UBE2QL1: variants seen among roughly 807,000 people sequenced by gnomAD.
UBE2QL1 encodes the protein ubiquitin conjugating enzyme E2 QL1.
A neutral mutation model predicts 12.6 loss-of-function variants in UBE2QL1; 5 were observed. That is an observed-to-expected ratio of 0.40 (90% CI 0.21 to 0.83). The LOEUF (loss-of-function observed/expected upper bound fraction) is 0.83, where lower values mean the gene tolerates loss of function less well. UBE2QL1 is among the 40% of genes least tolerant of loss of function. The probability of loss-of-function intolerance (pLI) is 0.37; values close to 1 mark genes in which losing one functional copy is unlikely to be tolerated. For missense variants in UBE2QL1, 99 were observed against 222.6 expected, an observed-to-expected ratio of 0.44 and a Z score of 3.53; for synonymous variants, 96 against 94.5, an observed-to-expected ratio of 1.02 and a Z score of -0.10.
At position 6,457,528 on chromosome 5, in the gene UBE2QL1, C is replaced by G. The variant is rs536267797; in HGVS notation, c.354+8281C>G. Among the ~76,000 whole-genome samples, 9 of 151,746 alleles carry G rather than the reference C, an allele frequency of 5.9e-5. No homozygotes were observed. The East Asian group carries it at 1.8e-3, about 30-fold the overall frequency. On this transcript the variant is annotated intron_variant, in intron 1 of 1. Transcript: ENST00000399816. ...CAAGATCTGTTTCCCTGAGCAGACT[C>G]CCCATCCTCTTCATTTTGCCCCTTC...
chr5:6,459,677 A>G (rs890439254), intron 1 of UBE2QL1, among the ~76,000 whole-genome samples: 2 of 152,260 alleles, frequency 1.3e-5, no homozygotes, highest in Non-Finnish European at 2.9e-5. Flanking sequence ...TTATTAACAC[A>G]TTAAATATTA....
At chr5:6,455,402 G>A (rs932714560) in intron 1 of UBE2QL1, among the ~76,000 whole-genome samples, 3 of 152,208 alleles carry the variant, frequency 2.0e-5, no homozygotes, top group Non-Finnish European at 4.4e-5. Flanking sequence ...ACAGACACTT[G>A]TGGCAGGGAT....
At chr5:6,483,289 A>T (rs1734400393) in intron 1 of UBE2QL1, among the ~76,000 whole-genome samples, 1 of 152,130 alleles carries the variant, frequency 6.6e-6, no homozygotes, top group Non-Finnish European at 1.5e-5. Context: ...TACAAAAAAA[A>T]TTAACAGGGC....
At chr5:6,461,336 C>T (rs2126334522) in intron 1 of UBE2QL1, among the ~76,000 whole-genome samples, 1 of 152,140 alleles carries the variant, frequency 6.6e-6, no homozygotes, top group Middle Eastern at 3.4e-3. Context: ...TAGGGTTCTC[C>T]CCCAATCTGA....
chr5:6,489,637 C>A (rs1734528808), intron 1 of UBE2QL1, among the ~76,000 whole-genome samples: 1 of 152,158 alleles, frequency 6.6e-6, no homozygotes. Context: ...CGAATACAAG[C>A]ATATGAAATG....
At chr5:6,452,267 T>C (rs1472503669) in intron 1 of UBE2QL1, among the ~76,000 whole-genome samples, 2 of 152,164 alleles carry the variant, frequency 1.3e-5, no homozygotes, top group Non-Finnish European at 2.9e-5. Context: ...TTCGTGAGGC[T>C]TTTAAGAGAC....
chr5:6,479,736 G>A lies in UBE2QL1; in HGVS notation c.355-11482G>A, dbSNP rs1734320895. 6.6e-6 allele frequency among the ~76,000 whole-genome samples: 1 copy of A among 152,180 alleles called. No homozygotes were observed. Among genetic ancestry groups the A allele is most frequent in the South Asian group, 2.1e-4 (1 of 4,820 alleles). ...GCATCCTGGGTGCGGCCCAAGAAAA[G>A]CAGCTTCCTTTTGCATTCTGGTCCT... On this transcript the variant is annotated intron_variant, in intron 1 of 1. Transcript: ENST00000399816. This position sits in a 1 kb window ranked among gnomAD's most constrained non-coding sequence, Gnocchi z 4.2.
At position 6,493,345 on chromosome 5, in the gene UBE2QL1, A is replaced by G. The variant is rs1194332120; in HGVS notation, c.*1996A>G. The G allele has an allele frequency of 6.6e-6, 1 of 152,252 alleles. No homozygotes were observed. The highest frequency in any genetic ancestry group is 1.5e-5 in the Non-Finnish European group (1 of 68,044). 9.4% of individuals were successfully genotyped at this position (152,252 alleles called of 1,614,324 possible). ...AAAGCACCTGAGTTTATTCCTTTCT[A>G]AATATTTTCCTCTTCTAATGAAAAC... On this transcript the variant is annotated 3_prime_UTR_variant, in exon 2 of 2. Transcript: ENST00000399816.
At chr5:6,474,184 C>T (rs1009404598) in intron 1 of UBE2QL1, among the ~76,000 whole-genome samples, 1 of 152,234 alleles carries the variant, frequency 6.6e-6, no homozygotes, top group Non-Finnish European at 1.5e-5. Context: ...GTTGCCTGTG[C>T]ACGTGGTGTG....
chr5:6,477,595 C>A lies in UBE2QL1; in HGVS notation c.355-13623C>A, dbSNP rs897944529. ...GAGGTTAAAAGAGAGACCATTTAGG[C>A]AGAAAGTTGATGAGCTGGATCTTAC... is the stretch of plus-strand genomic sequence containing the variant. On this transcript the variant is annotated intron_variant, in intron 1 of 1. Transcript: ENST00000399816. Among the ~76,000 whole-genome samples the A allele has an allele frequency of 2.0e-5, 3 of 152,220 alleles. No homozygotes were observed. The East Asian group carries it at 5.8e-4, about 29-fold the overall frequency.
intron 1 of UBE2QL1, among the ~76,000 whole-genome samples, chr5:6,472,035 T>C (rs914315678): frequency 3.3e-5 from 5 of 152,096 alleles, no homozygotes; most frequent in Non-Finnish European, 4.4e-5. Context: ...TCCTGTCAGG[T>C]GTGTCATGTC....
rs990801366 is a variant in UBE2QL1 at position 6,476,114 on chromosome 5, T to A, written c.355-15104T>A. 1.8e-4 allele frequency among the ~76,000 whole-genome samples: 28 copies of A among 151,958 alleles called. No individual in the cohort carries two copies. The highest frequency in any genetic ancestry group is 6.5e-4 in the African/African-American group (27 of 41,368). On this transcript the variant is annotated intron_variant, in intron 1 of 1. Coordinates refer to ENST00000399816, the MANE Select transcript of UBE2QL1 (RefSeq NM_001145161.3). This position sits in a 1 kb window ranked among gnomAD's most constrained non-coding sequence, Gnocchi z 4.9. ...GTATGCCTGCTTAGTCATGGATGAGTATCTGGAAAGCTCAGGGAGCTTTCC... is the reference window on the plus strand; with the variant it reads ...GTATGCCTGCTTAGTCATGGATGAGAATCTGGAAAGCTCAGGGAGCTTTCC...
Position 6,491,354 on chromosome 5 carries a change from T to A in UBE2QL1, c.*5T>A, listed in dbSNP as rs1224480412. ...CCGCCCGTGTCCGACGGCTGATGTC[T>A]GCCACGTGCAGTAGACGCTCGAGCG... On this transcript the variant is annotated 3_prime_UTR_variant, in exon 2 of 2. Coordinates refer to ENST00000399816, the MANE Select transcript of UBE2QL1 (RefSeq NM_001145161.3). 1 of 1,548,670 alleles carries A rather than the reference T, an allele frequency of 6.5e-7. No homozygotes were observed. Among genetic ancestry groups the A allele is most frequent in the Admixed American group, 2.0e-5 (1 of 50,554 alleles).
intron 1 of UBE2QL1, among the ~76,000 whole-genome samples, chr5:6,473,330 GCA>G (rs1734135063): frequency 1.3e-5 from 2 of 152,148 alleles, no homozygotes; most frequent in Admixed American, 6.5e-5. Flanking sequence ...ATATATTCTG[GCA>G]CAGAGTCTAA....
intron 1 of UBE2QL1, among the ~76,000 whole-genome samples, chr5:6,449,880 C>A (rs1370868731): frequency 6.9e-6 from 1 of 144,344 alleles, no homozygotes; most frequent in Non-Finnish European, 1.5e-5. Context: ...CCCCCCCACA[C>A]ACACACACAC....
At chr5:6,484,898 C>T (rs1369365469) in intron 1 of UBE2QL1, among the ~76,000 whole-genome samples, 2 of 152,014 alleles carry the variant, frequency 1.3e-5, no homozygotes, top group Non-Finnish European at 2.9e-5. Flanking sequence ...CTCATGTGGC[C>T]TGGGGCTCCC....
rs1734662198 is a variant in UBE2QL1, at chr5:6,496,178, G to A, written c.*4829G>A. Among the ~76,000 whole-genome samples the A allele has an allele frequency of 6.6e-6, 1 of 152,136 alleles. No homozygotes were observed. The highest frequency in any genetic ancestry group is 2.4e-5 in the African/African-American group (1 of 41,440). ...AGAGATCCCTGCACTGCCCCCAACC[G>A]CCAATTCACCCTGTGTCTCTCGCAG... On this transcript the variant is annotated 3_prime_UTR_variant, in exon 2 of 2. Transcript: ENST00000399816.
chr5:6,463,689 G>A (rs557698832), intron 1 of UBE2QL1, among the ~76,000 whole-genome samples: 3 of 150,210 alleles, frequency 2.0e-5, no homozygotes, highest in Non-Finnish European at 3.0e-5. Context: ...GTGCAGTGGC[G>A]CGATCTCGGC....
chr5:6,468,842 C>G (rs917277977), intron 1 of UBE2QL1, among the ~76,000 whole-genome samples: 1 of 152,176 alleles, frequency 6.6e-6, no homozygotes, highest in Non-Finnish European at 1.5e-5. Flanking sequence ...AGTCACAAGG[C>G]GCATCAGAGA....
Sources: gnomAD v4.1 joint callset for allele counts (sites outside exome capture counted in the v4.1 genomes callset) on GRCh38, gnomAD v4.1.1 for gene constraint, Gnocchi (gnomAD v3.1) non-coding constraint, MANE v1.5 for transcripts, NCBI Gene and HGNC (gene_info 2026-07-23, HGNC 2026-07-21) for gene names.